Variants in ATF6 observed in about 807,000 individuals in gnomAD.
The protein encoded by ATF6 is activating transcription factor 6, also known as cyclic AMP-dependent transcription factor ATF-6 alpha.
Under a neutral mutation model 83.6 loss-of-function variants are expected in ATF6, and 53 were observed. That is an observed-to-expected ratio of 0.63 (90% confidence interval 0.51 to 0.80). ATF6 has a LOEUF of 0.80. ATF6 is among the 30% of genes least tolerant of loss of function. The probability of loss-of-function intolerance (pLI) is 0.00; values close to 1 mark genes in which losing one functional copy is unlikely to be tolerated. For missense variants in ATF6, 744 were observed against 797.9 expected (o/e 0.93, Z 0.81); for synonymous variants, 288 against 285.8 (o/e 1.01, Z -0.08).
chr1:161,945,999 G>T (rs571492653), intron 15 of ATF6, among the ~76,000 whole-genome samples: 5 of 152,012 alleles, frequency 3.3e-5, no homozygotes, highest in Non-Finnish European at 1.5e-5. Flanking sequence ...GTCTGTTTTT[G>T]TTTTGTTTTG....
At chr1:161,914,928 G>A (rs551540273) in intron 15 of ATF6, among the ~76,000 whole-genome samples, 1 of 152,160 alleles carries the variant, frequency 6.6e-6, no homozygotes, top group Non-Finnish European at 1.5e-5. Context: ...AGAAAGTACC[G>A]TTCAGTGAGA....
intron 14 of ATF6, among the ~76,000 whole-genome samples, chr1:161,909,450 G>A (rs1221883045): frequency 6.6e-6 from 1 of 151,926 alleles, no homozygotes; most frequent in African/African-American, 2.4e-5. Flanking sequence ...GTGGCCTTGT[G>A]CCCAACTAAA....
At chr1:161,784,629 G>A (rs951259374) in intron 4 of ATF6, among the ~76,000 whole-genome samples, 1 of 152,058 alleles carries the variant, frequency 6.6e-6, no homozygotes, top group African/African-American at 2.4e-5. Context: ...GGAAGTACCT[G>A]ATTTAGGTAC....
intron 15 of ATF6, among the ~76,000 whole-genome samples, chr1:161,916,119 TC>T (rs1441045038): frequency 5.9e-5 from 9 of 152,188 alleles, no homozygotes; most frequent in African/African-American, 9.7e-5. Flanking sequence ...CTCTTGCCCT[TC>T]CACTCCACTG....
At chr1:161,906,982 CT>C (rs776883893) in intron 14 of ATF6, among the ~76,000 whole-genome samples, 10 of 152,248 alleles carry the variant, frequency 6.6e-5, no homozygotes, top group Admixed American at 2.0e-4. Context: ...TTTACCACCC[CT>C]AATTTTGTTT....
chr1:161,862,365 G>A (rs934831913), intron 13 of ATF6, among the ~76,000 whole-genome samples: 2 of 152,084 alleles, frequency 1.3e-5, no homozygotes, highest in African/African-American at 4.8e-5. Context: ...GAAAAATGAA[G>A]CATTTTTACA....
At chr1:161,815,204 T>C (rs1363615240) in intron 7 of ATF6, among the ~76,000 whole-genome samples, 3 of 147,312 alleles carry the variant, frequency 2.0e-5, no homozygotes, top group Non-Finnish European at 4.5e-5. Context: ...TTTTTTTTTT[T>C]TTTTTGAGAT....
intron 14 of ATF6, among the ~76,000 whole-genome samples, chr1:161,902,947 G>T (rs764735251): frequency 6.6e-6 from 1 of 152,156 alleles, no homozygotes. Flanking sequence ...AGCAGGTAAA[G>T]GTGTGTGCCT....
chr1:161,941,668 TAAG>T (rs1688644499), intron 15 of ATF6, among the ~76,000 whole-genome samples: 1 of 152,218 alleles, frequency 6.6e-6, no homozygotes, highest in Non-Finnish European at 1.5e-5. Flanking sequence ...AGGTTTTTAT[TAAG>T]AAGCCCAGAA....
chr1:161,957,097 A>G (rs1057010812), intron 15 of ATF6, among the ~76,000 whole-genome samples: 2 of 152,134 alleles, frequency 1.3e-5, no homozygotes, highest in African/African-American at 4.8e-5. Flanking sequence ...ATAACAATGG[A>G]ATCTGAAGAC....
At chr1:161,823,373 T>A (rs1341697841) in intron 9 of ATF6, among the ~76,000 whole-genome samples, 3 of 152,130 alleles carry the variant, frequency 2.0e-5, no homozygotes, top group African/African-American at 7.2e-5. Context: ...GTTTTAGTTT[T>A]TCTCTATATA....
intron 4 of ATF6, among the ~76,000 whole-genome samples, chr1:161,786,122 TTACAGGC>T (rs1684743371): frequency 9.7e-6 from 1 of 102,934 alleles, no homozygotes; most frequent in African/African-American, 3.7e-5. Context: ...ATTACAGGGA[TTACAGGC>T]ACCTGCCACC....
intron 15 of ATF6, among the ~76,000 whole-genome samples, chr1:161,938,313 C>T (rs182198398): frequency 4.6e-5 from 7 of 152,286 alleles, no homozygotes; most frequent in East Asian, 1.9e-4. Context: ...TTTGGACTCA[C>T]ATAACTGAAT....
At chr1:161,921,644 G>A (rs1046541598) in intron 15 of ATF6, among the ~76,000 whole-genome samples, 1 of 152,176 alleles carries the variant, frequency 6.6e-6, no homozygotes, top group Non-Finnish European at 1.5e-5. Context: ...TAAAATGGGA[G>A]GGACAGTGTG....
chr1:161,921,442 T>C (rs954698016), intron 15 of ATF6, among the ~76,000 whole-genome samples: 4 of 152,212 alleles, frequency 2.6e-5, no homozygotes, highest in African/African-American at 4.8e-5. Flanking sequence ...ATAGATACTT[T>C]GGAACAATCT....
chr1:161,767,451 A>G (rs1403057801), intron 1 of ATF6, among the ~76,000 whole-genome samples: 2 of 152,172 alleles, frequency 1.3e-5, no homozygotes, highest in Non-Finnish European at 2.9e-5. Context: ...AAAACTTAAG[A>G]TTTTTTATTC....
chr1:161,890,651 TGTG>T (rs1472035969), intron 14 of ATF6, among the ~76,000 whole-genome samples: 2 of 152,308 alleles, frequency 1.3e-5, no homozygotes, highest in African/African-American at 4.8e-5. Flanking sequence ...TCTGCTAACA[TGTG>T]GTCCTCGATG....
At chr1:161,944,775 A>G (rs920234423) in intron 15 of ATF6, among the ~76,000 whole-genome samples, 1 of 152,216 alleles carries the variant, frequency 6.6e-6, no homozygotes, top group Non-Finnish European at 1.5e-5. Context: ...CAGGGAACTA[A>G]ATATGCAATA....
At chr1:161,807,863 ATCTTTTTTTTTTT>A (rs1457973713) in intron 7 of ATF6, among the ~76,000 whole-genome samples, 32 of 54,798 alleles carry the variant, frequency 5.8e-4, no homozygotes, top group African/African-American at 2.0e-3. Flanking sequence ...TTAGTTTGTC[ATCTTTTTTTTTTT>A]TTTTTTTTTT....
Sources: allele counts gnomAD v4.1 joint callset (sites outside exome capture counted in the v4.1 genomes callset), GRCh38; gene constraint gnomAD v4.1.1; transcripts MANE v1.5; gene names NCBI Gene and HGNC (gene_info 2026-07-23, HGNC 2026-07-21).